The following SUPT5H variants were observed in gnomAD, a reference collection of about 807,000 sequenced individuals.
The protein encoded by SUPT5H is SPT5 homolog, DSIF elongation factor subunit, also known as transcription elongation factor SPT5.
In SUPT5H, 24 loss-of-function variants were observed where a neutral mutation model predicts 142.5. The observed-to-expected ratio is 0.17, with a 90% CI of 0.12 to 0.24. The LOEUF (loss-of-function observed/expected upper bound fraction) is 0.24. SUPT5H is among the 10% of genes least tolerant of loss of function. The pLI is 1.00. For missense variants in SUPT5H, 893 were observed against 1,471.8 expected (o/e 0.61, Z 6.43); for synonymous variants, 546 against 553.0 (o/e 0.99, Z 0.18).
At chr19:39,468,135 C>A (rs964549078) in intron 13 of SUPT5H, 1 of 152,892 alleles carries the variant, frequency 6.5e-6, no homozygotes, top group Admixed American at 6.5e-5. Context: ...AAGCGGCCGC[C>A]ACTCCACATT....
At chr19:39,451,904 AGTC>A (rs1166701557) in intron 2 of SUPT5H, among the ~76,000 whole-genome samples, 4 of 152,202 alleles carry the variant, frequency 2.6e-5, no homozygotes, top group Middle Eastern at 3.2e-3. Flanking sequence ...ACATGGAAGA[AGTC>A]GTGAAGTTCA....
intron 2 of SUPT5H, among the ~76,000 whole-genome samples, chr19:39,447,112 G>A (rs1308034203): frequency 6.6e-6 from 1 of 152,184 alleles, no homozygotes; most frequent in African/African-American, 2.4e-5. Context: ...CTAGTGAGCT[G>A]TGATGGTGCC....
chr19:39,475,326 G>A (rs2146133137), intron 28 of SUPT5H: 1 of 152,688 alleles, frequency 6.5e-6, no homozygotes, highest in African/African-American at 2.4e-5. Context: ...GAACCCAGGA[G>A]GTGGAGGTTG....
rs1469325702 is a variant in SUPT5H at position 39,472,236 on chromosome 19, T to G, written c.1951-173T>G. Among the ~76,000 whole-genome samples the G allele has an allele frequency of 2.6e-5, 4 of 152,246 alleles. No homozygotes were observed. The highest frequency in any genetic ancestry group is 9.6e-5 in the African/African-American group (4 of 41,542). On this transcript the variant is annotated intron_variant, in intron 20 of 29. Coordinates refer to ENST00000432763, the MANE Select transcript of SUPT5H (RefSeq NM_001111020.3). The surrounding 1 kb of genome is among the most constrained non-coding windows in gnomAD (Gnocchi z 4.2). ...GGGGGAACAGCAAGTGCAAAGGCCC[T>G]GAGGTGGGGCTTGTAGGAAAGTGTG... is the stretch of plus-strand genomic sequence containing the variant.
In SUPT5H at chr19:39,474,580, C is replaced by T. The variant is rs1272172830; in HGVS notation, c.2886C>T (p.Gly962=). Residue 962 remains glycine (G), a synonymous_variant, in exon 28 of 30, where the codon GGC becomes GGT. Coordinates refer to ENST00000432763, the MANE Select transcript of SUPT5H (RefSeq NM_001111020.3). The surrounding 1 kb of genome is among the most constrained non-coding windows in gnomAD (Gnocchi z 6.5). ...CACCTGGAGCTCCCTCCCCTGGTGGCTACAACCCACACACGCCAGGCTCAG... is the reference window on the plus strand; with the variant it reads ...CACCTGGAGCTCCCTCCCCTGGTGGTTACAACCCACACACGCCAGGCTCAG... The part of the protein sequence containing the change: ...PMTPGAPSPG[G]YNPHTPGSGI... 1 of 1,614,110 alleles carries T rather than the reference C, an allele frequency of 6.2e-7. No homozygotes were observed. Among genetic ancestry groups the T allele is most frequent in the Non-Finnish European group, 8.5e-7 (1 of 1,180,042 alleles).
chr19:39,453,109 G>A (rs1299118743), intron 2 of SUPT5H, among the ~76,000 whole-genome samples: 1 of 152,020 alleles, frequency 6.6e-6, no homozygotes, highest in African/African-American at 2.4e-5. Flanking sequence ...GTGAGCAAGA[G>A]GTCTAGTGCA....
At position 39,467,980 on chromosome 19, in the gene SUPT5H, G is replaced by A. The variant is rs893235456; in HGVS notation, c.1038-776G>A. ...ACCCCCCAGCAAGCCAGCTGACCAA[G>A]TACCCCAGCATGCCCAGCAGAGCAT... On this transcript the variant is annotated intron_variant, in intron 13 of 29. Coordinates refer to ENST00000432763, the MANE Select transcript of SUPT5H (RefSeq NM_001111020.3). 55 of 152,228 alleles carry A rather than the reference G, an allele frequency of 3.6e-4. 1 individual carries two copies. The highest frequency in any genetic ancestry group is 1.5e-5 in the Non-Finnish European group (1 of 68,128). 9.4% of individuals were successfully genotyped at this position (152,228 alleles called of 1,614,324 possible).
In SUPT5H at chr19:39,459,029, C is replaced by T; in HGVS notation, c.414C>T (p.Gly138=). The change falls in exon 7 of 30, where the codon GGC becomes GGT. Residue 138 remains glycine (G), a synonymous_variant. Transcript: ENST00000432763. The part of the protein sequence containing the change: ...LWRDQREEEL[G]EYYMKKYAKS... ...GGGACCAGCGAGAAGAAGAACTGGG[C>T]GAGTATTACATGAAGAAATACGCCA... The T allele has an allele frequency of 1.2e-6, 2 of 1,613,658 alleles. No individual in the cohort carries two copies. Among genetic ancestry groups the T allele is most frequent in the Admixed American group, 1.7e-5 (1 of 59,958 alleles).
At chr19:39,460,100 C>A in intron 10 of SUPT5H, 140 bp downstream of exon 10, 1 of 792,600 alleles carries the variant, frequency 1.3e-6, no homozygotes, top group Non-Finnish European at 2.1e-6. Context: ...TGGAATAAGA[C>A]CACTGCCTAG....
In SUPT5H at chr19:39,474,869, A is replaced by G. The variant is rs1488683275; in HGVS notation, c.3024+151A>G. 1.2e-6 allele frequency: 1 copy of G among 837,868 alleles called. No homozygotes were observed. Among genetic ancestry groups the G allele is most frequent in the Non-Finnish European group, 1.8e-6 (1 of 542,122 alleles). The allele number at this position is 837,868 out of a possible 1,614,324, so 51.9% of individuals were successfully genotyped here. A position where few individuals can be genotyped will look rare whatever the true frequency, so the allele number is the denominator to read the frequency against. On this transcript the variant is annotated intron_variant, in intron 28 of 29. Transcript: ENST00000432763. This position sits in a 1 kb window ranked among gnomAD's most constrained non-coding sequence, Gnocchi z 6.5. ...AGGGCAAGGGGAGCTATGTGAACCC[A>G]AAGGAGGCATCTTACCTGATTTAGC...
At chr19:39,449,163 C>T (rs1230780622) in intron 2 of SUPT5H, among the ~76,000 whole-genome samples, 1 of 151,936 alleles carries the variant, frequency 6.6e-6, no homozygotes, top group Non-Finnish European at 1.5e-5. Context: ...ACAGAGATCT[C>T]AGTCTCAAGG....
chr19:39,449,130 A>G (rs561202971), intron 2 of SUPT5H, among the ~76,000 whole-genome samples: 1 of 151,982 alleles, frequency 6.6e-6, no homozygotes, highest in South Asian at 2.1e-4. Flanking sequence ...TTGACTTGGC[A>G]TGTTGGGGTC....
chr19:39,454,159 C>G (rs534789318), intron 3 of SUPT5H, among the ~76,000 whole-genome samples: 1 of 152,298 alleles, frequency 6.6e-6, no homozygotes, highest in East Asian at 1.9e-4. Flanking sequence ...GCCAGTGACA[C>G]AGCTAACATT....
rs191555888 is a variant in SUPT5H at position 39,470,365 on chromosome 19, C to A, written c.1531-12C>A. ...CTGGACTGGGCCTCACCCCTTTCAC[C>A]ATCCCTGGCAGCTGAAGGTGCTCCC... On this transcript the variant is annotated splice_polypyrimidine_tract_variant and intron_variant, in intron 17 of 29. Transcript: ENST00000432763. This position sits in a 1 kb window ranked among gnomAD's most constrained non-coding sequence, Gnocchi z 5.8. 6,109 of 1,553,520 alleles carry A rather than the reference C, an allele frequency of 3.9e-3. 23 individuals are homozygous for A. Among genetic ancestry groups the A allele is most frequent in the Non-Finnish European group, 4.7e-3 (5,365 of 1,146,476 alleles).
In SUPT5H at chr19:39,466,855, A is replaced by T; in HGVS notation, c.1037+110A>T. On this transcript the variant is annotated intron_variant, in intron 13 of 29. Transcript: ENST00000432763. The surrounding 1 kb of genome is among the most constrained non-coding windows in gnomAD (Gnocchi z 4.3). The stretch of plus-strand genomic sequence containing the variant: ...GCCCCGCCACAGGTTTAGCCTGTGA[A>T]TTGGTTAGCTTGGCAGTATAGCCTC... 7 of 1,042,692 alleles carry T rather than the reference A, an allele frequency of 6.7e-6. No individual in the cohort carries two copies. The Admixed American group carries it at 1.2e-4, about 18-fold the overall frequency. 64.6% of individuals were successfully genotyped at this position (1,042,692 alleles called of 1,614,324 possible). A position where few individuals can be genotyped will look rare whatever the true frequency, so the allele number is the denominator to read the frequency against.
At chr19:39,461,878 C>G (rs2079167935) in intron 10 of SUPT5H, among the ~76,000 whole-genome samples, 2 of 151,548 alleles carry the variant, frequency 1.3e-5, no homozygotes, top group South Asian at 4.2e-4. Flanking sequence ...TGCTCAAATC[C>G]TCCTACATGG....
chr19:39,448,569 C>A (rs2078981486), intron 2 of SUPT5H, among the ~76,000 whole-genome samples: 1 of 152,096 alleles, frequency 6.6e-6, no homozygotes, highest in Admixed American at 6.6e-5. Context: ...ACCCCCCACC[C>A]CCGCCGCTGG....
At chr19:39,459,299 G>T in intron 8 of SUPT5H, 50 bp downstream of exon 8, 1 of 1,547,228 alleles carries the variant, frequency 6.5e-7, no homozygotes, top group South Asian at 1.2e-5. Context: ...AATCTTGTAT[G>T]GGGTGATGGT....
At position 39,473,393 on chromosome 19, in the gene SUPT5H, C is replaced by T; in HGVS notation, c.2387-23C>T. 3.1e-6 allele frequency: 5 copies of T among 1,613,256 alleles called. No individual in the cohort carries two copies. The highest frequency in any genetic ancestry group is 4.2e-6 in the Non-Finnish European group (5 of 1,179,792). ...GGACCTAGAGAAGGGACAGGACAGA[C>T]ACACTCATTTCCCCCATTCCAGGTA... On this transcript the variant is annotated intron_variant, in intron 24 of 29. Transcript: ENST00000432763. The surrounding 1 kb of genome is among the most constrained non-coding windows in gnomAD (Gnocchi z 5.8).
Sources: gnomAD v4.1 joint callset for allele counts (sites outside exome capture counted in the v4.1 genomes callset) on GRCh38, gnomAD v4.1.1 for gene constraint, Gnocchi (gnomAD v3.1) non-coding constraint, MANE v1.5 for transcripts, NCBI Gene and HGNC (gene_info 2026-07-23, HGNC 2026-07-21) for gene names.